Variants in SORCS2 observed in about 807,000 individuals in gnomAD.
The protein encoded by SORCS2 is sortilin related VPS10 domain containing receptor 2.
Under a neutral mutation model 141.6 loss-of-function variants are expected in SORCS2, and 100 were observed. That is an observed-to-expected ratio of 0.71 (90% CI 0.60 to 0.83). The LOEUF (loss-of-function observed/expected upper bound fraction) is 0.83. SORCS2 is among the 40% of genes least tolerant of loss of function. The pLI is 0.00. For missense variants in SORCS2, 1,646 were observed against 1,560.2 expected (o/e 1.05, Z -0.93); for synonymous variants, 789 against 676.9 (o/e 1.17, Z -2.57).
At chr4:7,419,281 T>C (rs1037086141) in intron 2 of SORCS2, among the ~76,000 whole-genome samples, 3 of 152,170 alleles carry the variant, frequency 2.0e-5, no homozygotes, top group African/African-American at 7.2e-5. Context: ...CATAGGGTCC[T>C]GAGGGCAAAG....
At chr4:7,602,877 C>T (rs954220988) in intron 3 of SORCS2, among the ~76,000 whole-genome samples, 9 of 152,260 alleles carry the variant, frequency 5.9e-5, no homozygotes, top group African/African-American at 2.2e-4. Context: ...ACATTGAGCA[C>T]TGAGTGAGCG....
At chr4:7,676,830 C>CTCTCT (rs1723171930) in intron 9 of SORCS2, among the ~76,000 whole-genome samples, 1 of 56,498 alleles carries the variant, frequency 1.8e-5, no homozygotes, top group Admixed American at 1.8e-4. Flanking sequence ...TCTCTCTCTC[C>CTCTCT]CTCTCTCCAC....
chr4:7,733,233 C>A, intron 23 of SORCS2, 89 bp from the exon 24 acceptor site: 1 of 929,480 alleles, frequency 1.1e-6, no homozygotes, highest in Non-Finnish European at 1.5e-6. Flanking sequence ...ACCCCTCACT[C>A]CCCTCCTGGA....
chr4:7,423,617 G>C (rs890530660), intron 2 of SORCS2, among the ~76,000 whole-genome samples: 24 of 152,196 alleles, frequency 1.6e-4, no homozygotes, highest in Non-Finnish European at 3.5e-4. Context: ...TGAGATGCTG[G>C]CTTGTGATCA....
At chr4:7,403,040 C>T (rs1724700395) in intron 2 of SORCS2, among the ~76,000 whole-genome samples, 1 of 152,146 alleles carries the variant, frequency 6.6e-6, no homozygotes, top group African/African-American at 2.4e-5. Context: ...TTTCCCAACA[C>T]CTTCTAAGGA....
chr4:7,581,228 A>G (rs1236399134), intron 3 of SORCS2, among the ~76,000 whole-genome samples: 2 of 151,682 alleles, frequency 1.3e-5, no homozygotes, highest in African/African-American at 2.4e-5. Context: ...ACAGAAAAAT[A>G]TAAATTATAA....
At chr4:7,327,030 G>A (rs1347166127) in intron 1 of SORCS2, among the ~76,000 whole-genome samples, 1 of 152,230 alleles carries the variant, frequency 6.6e-6, no homozygotes, top group Non-Finnish European at 1.5e-5. Flanking sequence ...CTCCCAGGCT[G>A]TGTCACTGTG....
intron 1 of SORCS2, among the ~76,000 whole-genome samples, chr4:7,273,445 G>A (rs951705686): frequency 2.0e-5 from 3 of 152,172 alleles, no homozygotes; most frequent in Admixed American, 2.0e-4. Context: ...GAACACGGGT[G>A]TCTGCCAGGA....
chr4:7,452,490 T>C (rs373017773), intron 2 of SORCS2, among the ~76,000 whole-genome samples: 36 of 152,184 alleles, frequency 2.4e-4, no homozygotes, highest in African/African-American at 8.4e-4. Flanking sequence ...AAGTCTATGA[T>C]GCTTTTCCGT....
At chr4:7,387,804 GCA>G (rs777068900) in intron 1 of SORCS2, among the ~76,000 whole-genome samples, 37 of 44,636 alleles carry the variant, frequency 8.3e-4, no homozygotes, top group Middle Eastern at 0.016. Flanking sequence ...ATGCTCACAT[GCA>G]CACACAGATA....
chr4:7,724,649 T>G (rs1225658172), intron 19 of SORCS2, among the ~76,000 whole-genome samples: 5 of 141,904 alleles, frequency 3.5e-5, no homozygotes, highest in Non-Finnish European at 6.3e-5. Flanking sequence ...GTGGAGGTGA[T>G]GGTGGTAGTT....
At chr4:7,689,723 C>A (rs1724096872) in intron 11 of SORCS2, 135 bp downstream of exon 11, 2 of 778,454 alleles carry the variant, frequency 2.6e-6, no homozygotes, top group Non-Finnish European at 3.9e-6. Flanking sequence ...CACTGCATCT[C>A]CAGGAAGCTC....
chr4:7,700,505 G>A lies in SORCS2; in HGVS notation c.1669-2775G>A, dbSNP rs146299459. On this transcript the variant is annotated intron_variant, in intron 12 of 26. Transcript: ENST00000507866. The stretch of plus-strand genomic sequence containing the variant: ...TCTGTCGGATGGGTAGATCAATGGG[G>A]AGGAGAACTGTGGAACGTTCTTCTT... Among the ~76,000 whole-genome samples, 11 of 152,320 alleles carry A rather than the reference G, an allele frequency of 7.2e-5. No homozygotes were observed. In the East Asian group the frequency reaches 2.1e-3, roughly 29 times the overall value.
chr4:7,332,285 G>A (rs1337174523), intron 1 of SORCS2, among the ~76,000 whole-genome samples: 1 of 152,140 alleles, frequency 6.6e-6, no homozygotes. Flanking sequence ...AGGCAATCCC[G>A]GGGGCCCTGT....
At chr4:7,498,181 C>T (rs1326357644) in intron 2 of SORCS2, among the ~76,000 whole-genome samples, 1 of 152,150 alleles carries the variant, frequency 6.6e-6, no homozygotes. Context: ...CCTCCCTTAG[C>T]CAGTGAGGTT....
intron 1 of SORCS2, among the ~76,000 whole-genome samples, chr4:7,319,728 A>C (rs970493376): frequency 6.6e-6 from 1 of 152,182 alleles, no homozygotes; most frequent in African/African-American, 2.4e-5. Flanking sequence ...AAAACAAAAA[A>C]CACATGACAT....
intron 3 of SORCS2, among the ~76,000 whole-genome samples, chr4:7,543,630 AC>A (rs1413047705): frequency 7.0e-6 from 1 of 142,330 alleles, no homozygotes; most frequent in Non-Finnish European, 1.5e-5. Context: ...CCATCCATCC[AC>A]CCATCCGTCC....
chr4:7,710,340 G>A (rs977589804), intron 14 of SORCS2, among the ~76,000 whole-genome samples: 3 of 152,174 alleles, frequency 2.0e-5, no homozygotes, highest in African/African-American at 7.2e-5. Flanking sequence ...TGTAAAAGGG[G>A]GCTTGGCAAG....
At chr4:7,661,129 A>G (rs1477831655) in intron 5 of SORCS2, among the ~76,000 whole-genome samples, 1 of 152,208 alleles carries the variant, frequency 6.6e-6, no homozygotes. Flanking sequence ...AAATAAAACA[A>G]AACAAACAAA....
Sources: allele counts gnomAD v4.1 joint callset (sites outside exome capture counted in the v4.1 genomes callset), GRCh38; gene constraint gnomAD v4.1.1; transcripts MANE v1.5; gene names NCBI Gene and HGNC (gene_info 2026-07-23, HGNC 2026-07-21).